The following NCKAP5 variants were observed in gnomAD, a reference collection of about 807,000 sequenced individuals.
The protein encoded by NCKAP5 is nck-associated protein 5.
NCKAP5 carries 92 observed loss-of-function variants against 167.0 expected under a neutral mutation model. The observed-to-expected ratio is 0.55, with a 90% CI of 0.47 to 0.66. The LOEUF (loss-of-function observed/expected upper bound fraction) is 0.66. Ranked by LOEUF, NCKAP5 falls within the 30% of genes least tolerant of loss-of-function variation. The pLI is 0.00. For synonymous variants in NCKAP5, 891 were observed against 877.4 expected, an observed-to-expected ratio of 1.02 and a Z score of -0.27; for missense variants, 2,378 against 2,315.0, an observed-to-expected ratio of 1.03 and a Z score of -0.56.
chr2:133,324,139 T>A (rs1221528127), intron 3 of NCKAP5, among the ~76,000 whole-genome samples: 1 of 152,218 alleles, frequency 6.6e-6, no homozygotes, highest in Non-Finnish European at 1.5e-5. Context: ...AAGGCTAGAC[T>A]GCATGAAATT....
chr2:132,918,877 G>T (rs562954114), intron 8 of NCKAP5, among the ~76,000 whole-genome samples: 1 of 152,176 alleles, frequency 6.6e-6, no homozygotes, highest in Non-Finnish European at 1.5e-5. Flanking sequence ...GACAGTGAAA[G>T]GTCTACACAT....
At chr2:133,235,306 G>T (rs1383222832) in intron 4 of NCKAP5, among the ~76,000 whole-genome samples, 1 of 152,004 alleles carries the variant, frequency 6.6e-6, no homozygotes, top group African/African-American at 2.4e-5. Context: ...TCACGCAAGG[G>T]GTGACGCTCC....
chr2:133,539,132 G>A lies in NCKAP5; in HGVS notation c.-62+19918C>T, dbSNP rs1283766602. On this transcript the variant is annotated intron_variant, in intron 2 of 19. Coordinates refer to ENST00000409261, the MANE Select transcript of NCKAP5 (RefSeq NM_207363.3). ...ATTTTTTGTATTTTTAGTAGAGACG[G>A]GGTTTCACCTTGTTAGCTAGGATGG... 2.6e-5 allele frequency among the ~76,000 whole-genome samples: 4 copies of A among 151,876 alleles called. No homozygotes were observed. In the East Asian group the frequency reaches 5.8e-4, roughly 22 times the overall value.
chr2:133,114,014 C>T (rs1450282544), intron 6 of NCKAP5, among the ~76,000 whole-genome samples: 1 of 152,192 alleles, frequency 6.6e-6, no homozygotes, highest in Non-Finnish European at 1.5e-5. Flanking sequence ...ACACATTTTA[C>T]ATGGCATTTT....
At chr2:133,497,279 C>A (rs985770955) in intron 3 of NCKAP5, among the ~76,000 whole-genome samples, 2 of 152,248 alleles carry the variant, frequency 1.3e-5, no homozygotes, top group African/African-American at 2.4e-5. Context: ...AGCCCTACTA[C>A]AACACAGCTT....
chr2:133,466,132 T>G (rs1415860468), intron 3 of NCKAP5, among the ~76,000 whole-genome samples: 1 of 146,084 alleles, frequency 6.8e-6, no homozygotes, highest in Non-Finnish European at 1.5e-5. Flanking sequence ...CTAGGGTTTT[T>G]ATGGTTTTAG....
chr2:132,840,546 G>C (rs773986718), intron 11 of NCKAP5, among the ~76,000 whole-genome samples: 2 of 152,060 alleles, frequency 1.3e-5, no homozygotes, highest in Non-Finnish European at 2.9e-5. Context: ...CAAAGTGCTG[G>C]GATTACAGGT....
At chr2:132,855,407 C>T (rs888391735) in intron 11 of NCKAP5, among the ~76,000 whole-genome samples, 2 of 152,222 alleles carry the variant, frequency 1.3e-5, no homozygotes, top group African/African-American at 4.8e-5. Flanking sequence ...TCACTGGCTG[C>T]TCCTCCTGTC....
intron 8 of NCKAP5, among the ~76,000 whole-genome samples, chr2:132,948,473 G>A (rs73956085): frequency 0.013 from 1,909 of 152,282 alleles, 42 homozygotes; most frequent in African/African-American, 0.044. Flanking sequence ...AGGGGCACAG[G>A]CAGGGAGGCA....
At chr2:133,671,104 A>G in the NCKAP5 span, among the ~76,000 whole-genome samples, 1 of 150,586 alleles carries the variant, frequency 6.6e-6, no homozygotes, top group Non-Finnish European at 1.5e-5. Context: ...AGTCCCAGCT[A>G]CTCGGGAGGC....
intron 19 of NCKAP5, 150 bp from the exon 20 acceptor site, chr2:132,673,455 G>C: frequency 1.7e-6 from 1 of 604,948 alleles, no homozygotes; most frequent in Non-Finnish European, 2.4e-6. Context: ...ATAATTAGAT[G>C]TAATAATAAA....
At chr2:133,017,152 T>C (rs1412137076) in intron 6 of NCKAP5, among the ~76,000 whole-genome samples, 2 of 152,244 alleles carry the variant, frequency 1.3e-5, no homozygotes, top group Non-Finnish European at 2.9e-5. Context: ...AATACCTCTG[T>C]GTCTATACAA....
At chr2:132,957,225 C>T (rs1376920529) in intron 8 of NCKAP5, among the ~76,000 whole-genome samples, 3 of 152,108 alleles carry the variant, frequency 2.0e-5, no homozygotes, top group Admixed American at 6.5e-5. Context: ...CAAGGCTTGC[C>T]TCTCTCAGGA....
At chr2:133,469,852 T>G (rs1692915123) in intron 3 of NCKAP5, among the ~76,000 whole-genome samples, 1 of 151,434 alleles carries the variant, frequency 6.6e-6, no homozygotes, top group African/African-American at 2.4e-5. Flanking sequence ...GCCTTGGTTT[T>G]CAGCTCCATC....
chr2:133,445,386 C>T (rs1365735540), intron 3 of NCKAP5, among the ~76,000 whole-genome samples: 1 of 152,092 alleles, frequency 6.6e-6, no homozygotes, highest in Non-Finnish European at 1.5e-5. Flanking sequence ...AAAGACTTCC[C>T]ATATATATTT....
chr2:133,511,070 G>T (rs1210771446), intron 3 of NCKAP5, among the ~76,000 whole-genome samples: 1 of 152,186 alleles, frequency 6.6e-6, no homozygotes, highest in African/African-American at 2.4e-5. Context: ...AAGTGAACAT[G>T]CTGAGCTGTC....
At chr2:133,462,136 T>G (rs1298114757) in intron 3 of NCKAP5, among the ~76,000 whole-genome samples, 1 of 152,244 alleles carries the variant, frequency 6.6e-6, no homozygotes, top group Non-Finnish European at 1.5e-5. Flanking sequence ...TGTATTTGCT[T>G]AAGTTCTGCT....
chr2:132,989,642 GTTTAC>G (rs2077394507), intron 7 of NCKAP5, among the ~76,000 whole-genome samples: 1 of 152,240 alleles, frequency 6.6e-6, no homozygotes, highest in East Asian at 1.9e-4. Flanking sequence ...ATATATCTCA[GTTTAC>G]TTTATTATTG....
chr2:133,270,064 T>A (rs1397070023), intron 4 of NCKAP5, among the ~76,000 whole-genome samples: 1 of 152,210 alleles, frequency 6.6e-6, no homozygotes, highest in Non-Finnish European at 1.5e-5. Context: ...AAGACTGGAA[T>A]GCCTATTAAG....
Sources: allele counts gnomAD v4.1 joint callset (sites outside exome capture counted in the v4.1 genomes callset), GRCh38; gene constraint gnomAD v4.1.1; transcripts MANE v1.5; gene names NCBI Gene and HGNC (gene_info 2026-07-23, HGNC 2026-07-21).